Variants in ASTN1 observed in about 807,000 individuals in gnomAD.
ASTN1 encodes astrotactin 1.
In ASTN1, 41 loss-of-function variants were observed where a neutral mutation model predicts 140.7. That is an observed-to-expected ratio of 0.29 (90% CI 0.23 to 0.38). ASTN1 has a LOEUF of 0.38. ASTN1 is among the 10% of genes least tolerant of loss of function. ASTN1 has a pLI of 1.00. For synonymous variants in ASTN1, 640 were observed against 652.2 expected, an observed-to-expected ratio of 0.98 and a Z score of 0.29; for missense variants, 1,479 against 1,678.8, an observed-to-expected ratio of 0.88 and a Z score of 2.08.
At chr1:177,009,724 G>T (rs1383981253) in intron 8 of ASTN1, among the ~76,000 whole-genome samples, 1 of 152,194 alleles carries the variant, frequency 6.6e-6, no homozygotes, top group African/African-American at 2.4e-5. Flanking sequence ...AGCAGGCAGT[G>T]TAAGGAAGAA....
chr1:176,975,503 A>G (rs1341954007), intron 8 of ASTN1, among the ~76,000 whole-genome samples: 1 of 152,258 alleles, frequency 6.6e-6, no homozygotes, highest in Non-Finnish European at 1.5e-5. Context: ...GTTGGGCATC[A>G]GCTTAGCTTG....
At chr1:177,113,745 A>T (rs549138824) in intron 1 of ASTN1, among the ~76,000 whole-genome samples, 11 of 152,292 alleles carry the variant, frequency 7.2e-5, no homozygotes, top group South Asian at 2.1e-4. Flanking sequence ...CACAGGATTC[A>T]TCAATAGTCA....
At chr1:177,151,488 CTG>C (rs1683033679) in intron 1 of ASTN1, among the ~76,000 whole-genome samples, 1 of 151,722 alleles carries the variant, frequency 6.6e-6, no homozygotes, top group Admixed American at 6.6e-5. Flanking sequence ...CTTCCCCTTC[CTG>C]TGAGTGTAAA....
intron 14 of ASTN1, among the ~76,000 whole-genome samples, chr1:176,941,810 C>T (rs536104625): frequency 5.9e-5 from 9 of 152,310 alleles, no homozygotes; most frequent in East Asian, 1.9e-4. Context: ...GTGGTACCTA[C>T]GCTATTTGTA....
chr1:177,064,297 T>C (rs1483171554), intron 1 of ASTN1, among the ~76,000 whole-genome samples: 2 of 152,218 alleles, frequency 1.3e-5, no homozygotes, highest in Non-Finnish European at 2.9e-5. Context: ...ATCCCATGAT[T>C]TCTTTGAAAA....
intron 8 of ASTN1, among the ~76,000 whole-genome samples, chr1:176,993,671 C>T (rs1674296107): frequency 1.3e-5 from 2 of 152,160 alleles, no homozygotes; most frequent in Admixed American, 1.3e-4. Flanking sequence ...CATTGAGATA[C>T]TCATTGCCCC....
At chr1:177,159,658 A>T (rs1357730908) in intron 1 of ASTN1, among the ~76,000 whole-genome samples, 2 of 152,238 alleles carry the variant, frequency 1.3e-5, no homozygotes, top group Non-Finnish European at 2.9e-5. Context: ...TACAAAGATC[A>T]CTGGCTTTGG....
chr1:176,863,110 T>C lies in ASTN1; in HGVS notation c.*1174A>G, dbSNP rs903048696. 1 of 985,756 alleles carries C rather than the reference T, an allele frequency of 1.0e-6. No individual in the cohort carries two copies. The highest frequency in any genetic ancestry group is 1.2e-6 in the Non-Finnish European group (1 of 829,944). 61.1% of individuals were successfully genotyped at this position (985,756 alleles called of 1,614,324 possible). A position where few individuals can be genotyped will look rare whatever the true frequency, so the allele number is the denominator to read the frequency against. On this transcript the variant is annotated 3_prime_UTR_variant, in exon 23 of 23. Transcript: ENST00000361833. ...TGGGATGGAAACAACACTCTAGATG[T>C]TAACTGCAATCAGTGGTGCTTCCCT...
chr1:177,098,681 G>A (rs1680160031), intron 1 of ASTN1, among the ~76,000 whole-genome samples: 1 of 152,108 alleles, frequency 6.6e-6, no homozygotes, highest in African/African-American at 2.4e-5. Flanking sequence ...GAAGGACAAA[G>A]TAAACAATGA....
chr1:177,135,268 A>G (rs1397708702), intron 1 of ASTN1, among the ~76,000 whole-genome samples: 1 of 151,880 alleles, frequency 6.6e-6, no homozygotes, highest in African/African-American at 2.4e-5. Context: ...TAGTTAATTC[A>G]TATGTTGAGT....
intron 8 of ASTN1, among the ~76,000 whole-genome samples, chr1:177,003,225 A>T (rs1674821712): frequency 6.6e-6 from 1 of 152,052 alleles, no homozygotes. Flanking sequence ...TACTGAAAAT[A>T]GACGCAAAAA....
intron 8 of ASTN1, among the ~76,000 whole-genome samples, chr1:176,965,770 G>C (rs757147635): frequency 9.2e-5 from 14 of 152,176 alleles, no homozygotes; most frequent in Non-Finnish European, 1.9e-4. Context: ...GCCAAAGACT[G>C]CAGCTCATAT....
chr1:177,084,615 C>A (rs899186565), intron 1 of ASTN1, among the ~76,000 whole-genome samples: 1 of 151,950 alleles, frequency 6.6e-6, no homozygotes, highest in African/African-American at 2.4e-5. Context: ...CATGGTTAAC[C>A]CCTCTACCTG....
At chr1:177,097,952 T>C (rs968129302) in intron 1 of ASTN1, among the ~76,000 whole-genome samples, 1 of 152,196 alleles carries the variant, frequency 6.6e-6, no homozygotes, top group African/African-American at 2.4e-5. Flanking sequence ...GCACCTCACA[T>C]CTTCCCCCAC....
downstream of ASTN1, chr1:176,861,056 C>A (rs772750856): frequency 8.5e-6 from 8 of 944,708 alleles, no homozygotes; most frequent in Non-Finnish European, 1.0e-5. Context: ...ACACAACATC[C>A]ACATACCCAA....
intron 7 of ASTN1, among the ~76,000 whole-genome samples, 185 bp from the exon 8 acceptor site, chr1:177,015,060 A>G (rs1398124933): frequency 6.6e-6 from 1 of 152,176 alleles, no homozygotes; most frequent in Non-Finnish European, 1.5e-5. Context: ...GAATACTCCA[A>G]CCAATCTCTC....
chr1:177,039,616 A>G (rs1676878659), intron 2 of ASTN1, among the ~76,000 whole-genome samples: 1 of 152,206 alleles, frequency 6.6e-6, no homozygotes, highest in South Asian at 2.1e-4. Context: ...TACTAGCAAC[A>G]TGAAGAACCC....
chr1:177,120,046 C>A (rs946370133), intron 1 of ASTN1, among the ~76,000 whole-genome samples: 1 of 152,132 alleles, frequency 6.6e-6, no homozygotes, highest in African/African-American at 2.4e-5. Context: ...TCAATCTTAG[C>A]AGTAATGTTT....
Position 176,876,595 on chromosome 1 carries a change from C to G in ASTN1, c.3405G>C (p.Arg1135Ser). The change falls in exon 21 of 23, where the codon AGG becomes AGC. Residue 1135 changes from arginine to serine, a missense_variant. Arg to Ser is a moderately radical substitution (Grantham distance 110). Around this residue, in one of 3 missense-constraint regions of ASTN1, gnomAD observed 746 missense variants for 800.9 expected, o/e 0.93. Transcript: ENST00000361833. ...WGVDNTGRRS[R>S]PSDVIVKTPC... is the part of the protein sequence containing the mutation. ...GGGTCTTCACGATCACGTCGCTTGG[C>G]CTGGAGCGCCGTCCTGTGTTGTCCA... The G allele has an allele frequency of 6.2e-7, 1 of 1,614,162 alleles. No individual in the cohort carries two copies. The highest frequency in any genetic ancestry group is 1.1e-5 in the South Asian group (1 of 91,082).
Sources: gnomAD v4.1 joint callset for allele counts (sites outside exome capture counted in the v4.1 genomes callset) on GRCh38, gnomAD v4.1.1 for gene constraint, gnomAD v4.1.1 regional missense constraint, MANE v1.5 for transcripts, NCBI Gene and HGNC (gene_info 2026-07-23, HGNC 2026-07-21) for gene names.